Variants in REDIC1 observed in about 807,000 individuals in gnomAD.
REDIC1 encodes the protein HEI10 Interacting Protein 1.
At chr12:39,691,522 A>C in the REDIC1 span, among the ~76,000 whole-genome samples, 1 of 152,210 alleles carries the variant, frequency 6.6e-6, no homozygotes, top group Non-Finnish European at 1.5e-5. Flanking sequence ...AACTTCCCTT[A>C]ACATCCTGGA....
the REDIC1 span, among the ~76,000 whole-genome samples, chr12:39,785,845 G>T: frequency 6.6e-6 from 1 of 152,162 alleles, no homozygotes; most frequent in African/African-American, 2.4e-5. Flanking sequence ...GCTGGATTTT[G>T]GACTTGCATG....
chr12:39,839,940 T>C, the REDIC1 span, among the ~76,000 whole-genome samples: 2,303 of 152,248 alleles, frequency 0.015, 26 homozygotes, highest in Middle Eastern at 0.024. Flanking sequence ...AACCTGAGCA[T>C]GATTGCAGAA....
the REDIC1 span, among the ~76,000 whole-genome samples, chr12:39,739,546 T>C: frequency 6.6e-6 from 1 of 152,198 alleles, no homozygotes; most frequent in Admixed American, 6.5e-5. Flanking sequence ...GATTGATTAA[T>C]ATTGAGTTAA....
the REDIC1 span, among the ~76,000 whole-genome samples, chr12:39,803,772 C>G: frequency 2.6e-5 from 4 of 151,902 alleles, no homozygotes; most frequent in Non-Finnish European, 4.4e-5. Flanking sequence ...TGCATCTCAC[C>G]GGAATTCCAA....
At chr12:39,714,558 C>G in the REDIC1 span, among the ~76,000 whole-genome samples, 1 of 151,406 alleles carries the variant, frequency 6.6e-6, no homozygotes, top group African/African-American at 2.4e-5. Flanking sequence ...ATATTGATTT[C>G]TTTTCCTCTG....
chr12:39,690,960 GTTC>G, the REDIC1 span, among the ~76,000 whole-genome samples: 13 of 152,122 alleles, frequency 8.5e-5, no homozygotes, highest in African/African-American at 3.1e-4. Flanking sequence ...AAAGTTTTGT[GTTC>G]TTCTTGCAAG....
At chr12:39,850,528 C>G in the REDIC1 span, among the ~76,000 whole-genome samples, 1 of 151,940 alleles carries the variant, frequency 6.6e-6, no homozygotes, top group Non-Finnish European at 1.5e-5. Context: ...TATAGCAAGC[C>G]AAAACATACA....
the REDIC1 span, chr12:39,650,205 T>C: frequency 6.6e-7 from 1 of 1,526,264 alleles, no homozygotes; most frequent in South Asian, 1.3e-5. This position sits in a 1 kb window ranked among gnomAD's most constrained non-coding sequence, Gnocchi z 4.3. Context: ...GTACATTTAC[T>C]ATTTTGGCAG....
the REDIC1 span, among the ~76,000 whole-genome samples, chr12:39,746,228 C>T: frequency 0.014 from 2,081 of 152,268 alleles, 35 homozygotes; most frequent in Middle Eastern, 0.034. Flanking sequence ...AATCAGGTCA[C>T]TCCCACCCTA....
At chr12:39,653,274 T>G in the REDIC1 span, among the ~76,000 whole-genome samples, 1 of 152,168 alleles carries the variant, frequency 6.6e-6, no homozygotes, top group East Asian at 1.9e-4. Context: ...TTTATTCTTT[T>G]TATGCTTTCG....
At chr12:39,786,995 TA>T in the REDIC1 span, among the ~76,000 whole-genome samples, 120,702 of 151,952 alleles carry the variant, frequency 0.79, 48,078 homozygotes, top group Non-Finnish European at 0.82. Flanking sequence ...TTCTTTTTTT[TA>T]AAAAAATAAT....
the REDIC1 span, among the ~76,000 whole-genome samples, chr12:39,708,870 C>T: frequency 1.0e-3 from 159 of 151,656 alleles, 1 homozygote; most frequent in Non-Finnish European, 8.9e-5. Flanking sequence ...TCCATATAAC[C>T]TTTAAAATAA....
chr12:39,671,318 C>T, the REDIC1 span, among the ~76,000 whole-genome samples: 1 of 152,150 alleles, frequency 6.6e-6, no homozygotes, highest in Non-Finnish European at 1.5e-5. Flanking sequence ...TCAGTGGTGT[C>T]TGATTTCCTC....
chr12:39,724,032 A>G, the REDIC1 span, among the ~76,000 whole-genome samples: 1 of 152,114 alleles, frequency 6.6e-6, no homozygotes. Context: ...TGCAGCTGCC[A>G]GTGCATGACT....
chr12:39,803,357 G>A, the REDIC1 span, among the ~76,000 whole-genome samples: 1 of 152,110 alleles, frequency 6.6e-6, no homozygotes, highest in Non-Finnish European at 1.5e-5. Flanking sequence ...GCCAGTAGAT[G>A]ACAGCAGTGG....
At chr12:39,808,310 A>C in the REDIC1 span, among the ~76,000 whole-genome samples, 219 of 152,194 alleles carry the variant, frequency 1.4e-3, 2 homozygotes, top group African/African-American at 4.9e-3. Context: ...GTAGTATTTA[A>C]TTATATGGGT....
chr12:39,846,307 G>A, the REDIC1 span, among the ~76,000 whole-genome samples: 2 of 152,076 alleles, frequency 1.3e-5, no homozygotes, highest in Non-Finnish European at 2.9e-5. Context: ...ACCCTCCCTT[G>A]GACAATAGGA....
At chr12:39,889,331 T>G in the REDIC1 span, among the ~76,000 whole-genome samples, 2 of 152,038 alleles carry the variant, frequency 1.3e-5, no homozygotes, top group African/African-American at 2.4e-5. Context: ...GATTTATATA[T>G]CTATATATTT....
chr12:39,765,566 A>C, the REDIC1 span, among the ~76,000 whole-genome samples: 19 of 152,046 alleles, frequency 1.2e-4, no homozygotes, highest in African/African-American at 3.6e-4. Context: ...GTCTCCTTCA[A>C]CCTCTATCTT....
Sources: gnomAD v4.1 joint callset for allele counts (sites outside exome capture counted in the v4.1 genomes callset) on GRCh38, gnomAD v4.1.1 for gene constraint, Gnocchi (gnomAD v3.1) non-coding constraint, MANE v1.5 for transcripts, NCBI Gene and HGNC (gene_info 2026-07-23, HGNC 2026-07-21) for gene names.